DOCK9: variants seen among roughly 807,000 people sequenced by gnomAD.
DOCK9 encodes dedicator of cytokinesis protein 9.
Under a neutral mutation model 263.3 loss-of-function variants are expected in DOCK9, and 89 were observed. The observed-to-expected ratio is 0.34, with a 90% CI of 0.28 to 0.40. The LOEUF is 0.40. Among genes scored for constraint, DOCK9 ranks in the 10% least tolerant of loss-of-function variants. The pLI, the probability that DOCK9 is intolerant of heterozygous loss-of-function variation, is 1.00. For missense variants in DOCK9, 2,140 were observed against 2,603.4 expected (o/e 0.82, Z 3.87); for synonymous variants, 976 against 973.1 (o/e 1.00, Z -0.06).
At chr13:98,876,078 T>C (rs932399079) in intron 27 of DOCK9, among the ~76,000 whole-genome samples, 2 of 152,150 alleles carry the variant, frequency 1.3e-5, no homozygotes, top group African/African-American at 4.8e-5. Context: ...ACAACATGCA[T>C]GTGTAGCTAT....
chr13:98,984,087 T>C (rs1194743652), intron 1 of DOCK9, among the ~76,000 whole-genome samples: 2 of 152,152 alleles, frequency 1.3e-5, no homozygotes, highest in East Asian at 3.8e-4. Context: ...GTGAGTTTCC[T>C]AAAGAAAGGC....
chr13:98,944,377 T>C (rs1324852245), intron 2 of DOCK9, among the ~76,000 whole-genome samples: 2 of 67,448 alleles, frequency 3.0e-5, no homozygotes, highest in Non-Finnish European at 5.5e-5. Flanking sequence ...GTGTCCACTA[T>C]ATGAGAAAAA....
intron 8 of DOCK9, 42 bp from the exon 9 acceptor site, chr13:98,914,437 T>G: frequency 6.5e-7 from 1 of 1,549,856 alleles, no homozygotes; most frequent in Middle Eastern, 1.7e-4. Flanking sequence ...TTGTAATTCA[T>G]AGCATTTCAT....
Position 98,882,694 on chromosome 13 carries a change from T to G in DOCK9, c.2559+348A>C, listed in dbSNP as rs141294596. 1.6e-4 allele frequency among the ~76,000 whole-genome samples: 24 copies of G among 152,356 alleles called. No individual in the cohort carries two copies. In the East Asian group the frequency reaches 4.1e-3, roughly 26 times the overall value. On this transcript the variant is annotated intron_variant, in intron 23 of 52. Coordinates refer to ENST00000682017, the MANE Select transcript of DOCK9 (RefSeq NM_001366683.2). ...ACCAAGTTTATAGTATCTCCTACAA[T>G]GAACTAGAAGTTCCCTAAGGGTGAG... is the stretch of plus-strand genomic sequence containing the variant.
chr13:98,979,124 A>AAGCAGCAGC (rs892956610), upstream of DOCK9, among the ~76,000 whole-genome samples: 1 of 151,654 alleles, frequency 6.6e-6, no homozygotes, highest in Non-Finnish European at 1.5e-5. Context: ...AGTAGACAAC[A>AAGCAGCAGC]AGCAGCAGCA....
chr13:98,928,884 G>A (rs2053475392), intron 3 of DOCK9, among the ~76,000 whole-genome samples: 1 of 152,130 alleles, frequency 6.6e-6, no homozygotes, highest in Non-Finnish European at 1.5e-5. Flanking sequence ...TACTAATATA[G>A]TGGCAAAGGA....
At chr13:98,897,698 A>G in intron 14 of DOCK9, 88 bp from the exon 15 acceptor site, 1 of 1,531,504 alleles carries the variant, frequency 6.5e-7, no homozygotes, top group Non-Finnish European at 8.8e-7. Flanking sequence ...TGAGAAGTCT[A>G]ATTATTATTC....
intron 2 of DOCK9, among the ~76,000 whole-genome samples, chr13:98,952,765 G>A (rs2140931206): frequency 6.6e-6 from 1 of 152,264 alleles, no homozygotes; most frequent in South Asian, 2.1e-4. Flanking sequence ...CACTATCCAT[G>A]CTTATATTTT....
At chr13:98,840,007 T>C (rs2093151505) in intron 38 of DOCK9, among the ~76,000 whole-genome samples, 1 of 152,214 alleles carries the variant, frequency 6.6e-6, no homozygotes, top group African/African-American at 2.4e-5. Context: ...ATCAGCAGGA[T>C]TCCTGAGCTA....
At chr13:99,009,307 T>C (rs1164199674) in intron 1 of DOCK9, among the ~76,000 whole-genome samples, 1 of 152,110 alleles carries the variant, frequency 6.6e-6, no homozygotes, top group Non-Finnish European at 1.5e-5. Flanking sequence ...CTTGAAAACA[T>C]CAGCCTAGTT....
chr13:98,922,936 A>C (rs1039312990), intron 5 of DOCK9, among the ~76,000 whole-genome samples: 2 of 152,224 alleles, frequency 1.3e-5, no homozygotes, highest in Non-Finnish European at 2.9e-5. Context: ...ATCATTGAAG[A>C]AATAGCCATT....
intron 1 of DOCK9, among the ~76,000 whole-genome samples, chr13:99,033,762 T>C (rs191906393): frequency 6.8e-4 from 104 of 152,346 alleles, no homozygotes; most frequent in Non-Finnish European, 1.1e-3. Context: ...ACTTCTACTC[T>C]CACATCCCCA....
At chr13:98,932,447 A>G (rs1262562831) in intron 2 of DOCK9, among the ~76,000 whole-genome samples, 1 of 152,204 alleles carries the variant, frequency 6.6e-6, no homozygotes, top group Non-Finnish European at 1.5e-5. Context: ...AACAGATCAT[A>G]GTCATTAAAG....
intron 38 of DOCK9, among the ~76,000 whole-genome samples, chr13:98,845,663 C>T (rs561573967): frequency 3.9e-5 from 6 of 152,192 alleles, no homozygotes; most frequent in East Asian, 3.9e-4. Flanking sequence ...TGGACCCAGC[C>T]GAGTTTTGTT....
chr13:99,059,022 C>A (rs2041061199), intron 1 of DOCK9, among the ~76,000 whole-genome samples: 1 of 152,186 alleles, frequency 6.6e-6, no homozygotes, highest in Admixed American at 6.5e-5. Flanking sequence ...CTGGCCTTGG[C>A]CCAGTCTCCT....
At chr13:98,973,451 T>A (rs1443640136) in intron 1 of DOCK9, among the ~76,000 whole-genome samples, 2 of 152,182 alleles carry the variant, frequency 1.3e-5, no homozygotes, top group Non-Finnish European at 2.9e-5. Flanking sequence ...ACTTTCTACA[T>A]CAAGTACTCG....
chr13:98,799,220 T>C (rs974905459), intron 50 of DOCK9, among the ~76,000 whole-genome samples: 2 of 152,162 alleles, frequency 1.3e-5, no homozygotes, highest in African/African-American at 4.8e-5. Flanking sequence ...TGATGGGAAG[T>C]TGACAAAATA....
chr13:98,794,869 G>C, intron 52 of DOCK9, 121 bp from the exon 53 acceptor site: 1 of 1,039,362 alleles, frequency 9.6e-7, no homozygotes, highest in Non-Finnish European at 1.4e-6. Context: ...TTAAGGCAAT[G>C]TTGCCACGTG....
At chr13:98,973,657 C>T (rs754387155) in intron 1 of DOCK9, among the ~76,000 whole-genome samples, 3 of 152,168 alleles carry the variant, frequency 2.0e-5, no homozygotes, top group Non-Finnish European at 4.4e-5. Flanking sequence ...AGTCCAGTGG[C>T]GTGATCTCTG....
Sources: allele counts gnomAD v4.1 joint callset (sites outside exome capture counted in the v4.1 genomes callset), GRCh38; gene constraint gnomAD v4.1.1; transcripts MANE v1.5; gene names NCBI Gene and HGNC (gene_info 2026-07-23, HGNC 2026-07-21).